MARCHF3: variants seen among roughly 807,000 people sequenced by gnomAD.
The protein encoded by MARCHF3 is E3 ubiquitin-protein ligase MARCHF3.
Under a neutral mutation model 24.2 loss-of-function variants are expected in MARCHF3, and 13 were observed. That is an observed-to-expected ratio of 0.54 (90% CI 0.35 to 0.85). The LOEUF (loss-of-function observed/expected upper bound fraction) is 0.85, where lower values mean the gene tolerates loss of function less well. Ranked by LOEUF, MARCHF3 falls within the 40% of genes least tolerant of loss-of-function variation. The pLI, the probability that MARCHF3 is intolerant of heterozygous loss-of-function variation, is 0.01. For missense variants in MARCHF3, 276 were observed against 325.0 expected, an observed-to-expected ratio of 0.85 and a Z score of 1.16; for synonymous variants, 144 against 137.3, an observed-to-expected ratio of 1.05 and a Z score of -0.34.
In MARCHF3 at chr5:126,972,390, C is replaced by T. The variant is rs146913957; in HGVS notation, c.-56-54163G>A. The stretch of plus-strand genomic sequence containing the variant: ...GGCAAAGTATCTGTTCATTCATAAT[C>T]ACTACTGTGCTTCGTTTCTGGGCAA... On this transcript the variant is annotated intron_variant, in intron 1 of 4. Transcript: ENST00000308660. Among the ~76,000 whole-genome samples the T allele has an allele frequency of 1.3e-3, 203 of 152,184 alleles. 2 individuals carry two copies. The highest frequency in any genetic ancestry group is 4.7e-3 in the African/African-American group (194 of 41,512).
At chr5:126,979,647 C>T (rs574846288) in intron 1 of MARCHF3, among the ~76,000 whole-genome samples, 4 of 152,120 alleles carry the variant, frequency 2.6e-5, no homozygotes, top group African/African-American at 9.6e-5. Flanking sequence ...GTCTTTATTC[C>T]TTATTAGAAA....
In MARCHF3 at chr5:126,916,684, G is replaced by GACACACAC. The variant is rs1409013068; in HGVS notation, c.188+1299_188+1300insGTGTGTGT. 7.7e-3 allele frequency among the ~76,000 whole-genome samples: 719 copies of GACACACAC among 93,316 alleles called. 8 individuals carry two copies. Among genetic ancestry groups the GACACACAC allele is most frequent in the African/African-American group, 0.032 (672 of 21,176 alleles). 61.2% of individuals were successfully genotyped at this position (93,316 alleles called of 152,430 possible). A position where few individuals can be genotyped will look rare whatever the true frequency, so the allele number is the denominator to read the frequency against. On this transcript the variant is annotated intron_variant, in intron 2 of 4. Coordinates refer to ENST00000308660, the MANE Select transcript of MARCHF3 (RefSeq NM_178450.5). Reference sequence around the variant, plus strand: ...AGCAGGTAAAAATACCTGACAGACAGACAGACAGACACACACACACACACA... The same window carrying GACACACAC: ...AGCAGGTAAAAATACCTGACAGACAGACACACACACAGACAGACACACACACACACACA...
chr5:126,953,906 T>A (rs2126817445), intron 1 of MARCHF3, among the ~76,000 whole-genome samples: 1 of 152,322 alleles, frequency 6.6e-6, no homozygotes, highest in African/African-American at 2.4e-5. Context: ...TATCTTTTCG[T>A]TCAATGGTCT....
chr5:126,997,625 T>C (rs1324938303), intron 1 of MARCHF3, among the ~76,000 whole-genome samples: 3 of 152,248 alleles, frequency 2.0e-5, no homozygotes, highest in Admixed American at 2.0e-4. Flanking sequence ...GATTCACATC[T>C]TGTTTCTAAT....
intron 1 of MARCHF3, among the ~76,000 whole-genome samples, chr5:126,951,733 A>G (rs1284795352): frequency 6.6e-6 from 1 of 152,210 alleles, no homozygotes; most frequent in Non-Finnish European, 1.5e-5. Flanking sequence ...TCATGCATCC[A>G]GCCAAGAGTA....
chr5:127,004,521 A>C (rs914506451), intron 1 of MARCHF3, among the ~76,000 whole-genome samples: 2 of 151,206 alleles, frequency 1.3e-5, no homozygotes, highest in African/African-American at 2.5e-5. Context: ...ACCTCATTAC[A>C]TAGGTTCAGC....
intron 1 of MARCHF3, among the ~76,000 whole-genome samples, chr5:127,015,154 T>A (rs1752598366): frequency 6.6e-6 from 1 of 152,234 alleles, no homozygotes; most frequent in Admixed American, 6.5e-5. Context: ...CAAATACGGA[T>A]GTATTTTACT....
At chr5:126,980,347 T>A (rs1488030305) in intron 1 of MARCHF3, among the ~76,000 whole-genome samples, 1 of 152,030 alleles carries the variant, frequency 6.6e-6, no homozygotes, top group Non-Finnish European at 1.5e-5. Flanking sequence ...GTAGAATCTC[T>A]TGAGTTTGAG....
intron 3 of MARCHF3, among the ~76,000 whole-genome samples, chr5:126,904,143 T>A (rs562898257): frequency 0.014 from 2,065 of 149,842 alleles, 22 homozygotes; most frequent in Non-Finnish European, 0.022. Context: ...GGACATGAAC[T>A]CATCATTTTT....
At chr5:126,976,444 TTGCCTC>T (rs1441174837) in intron 1 of MARCHF3, among the ~76,000 whole-genome samples, 1 of 152,232 alleles carries the variant, frequency 6.6e-6, no homozygotes, top group African/African-American at 2.4e-5. Flanking sequence ...TCCAGGTTCA[TTGCCTC>T]TGCTTTGGGC....
chr5:126,953,431 T>C (rs1461724994), intron 1 of MARCHF3, among the ~76,000 whole-genome samples: 7 of 152,148 alleles, frequency 4.6e-5, no homozygotes, highest in Admixed American at 4.6e-4. Context: ...CTGTTTTCTT[T>C]GTTAGAGAAC....
chr5:126,981,568 T>C (rs1244657807), intron 1 of MARCHF3, among the ~76,000 whole-genome samples: 1 of 152,232 alleles, frequency 6.6e-6, no homozygotes, highest in East Asian at 1.9e-4. Context: ...TTGTAGGATA[T>C]TAATGTACTT....
At chr5:126,893,133 A>T (rs1384642224) in intron 3 of MARCHF3, among the ~76,000 whole-genome samples, 1 of 151,666 alleles carries the variant, frequency 6.6e-6, no homozygotes, top group Admixed American at 6.6e-5. Flanking sequence ...ATCGGTGGTG[A>T]TATCCCCTTT....
intron 1 of MARCHF3, among the ~76,000 whole-genome samples, chr5:126,941,320 C>A (rs1749819437): frequency 1.3e-5 from 2 of 152,226 alleles, no homozygotes; most frequent in South Asian, 4.1e-4. Context: ...TTGTGCTGAG[C>A]TGCATTTTAG....
chr5:126,899,501 T>C (rs1580616617), intron 3 of MARCHF3, among the ~76,000 whole-genome samples: 1 of 152,072 alleles, frequency 6.6e-6, no homozygotes, highest in Non-Finnish European at 1.5e-5. Context: ...AAAAGATTCC[T>C]CCTAAGGAAT....
chr5:126,945,620 G>T (rs1277706278), intron 1 of MARCHF3, among the ~76,000 whole-genome samples: 1 of 152,156 alleles, frequency 6.6e-6, no homozygotes, highest in Non-Finnish European at 1.5e-5. Flanking sequence ...AGCTAGAGAG[G>T]TAAGAGATTC....
chr5:126,982,393 G>A (rs1751422694), intron 1 of MARCHF3, among the ~76,000 whole-genome samples: 2 of 152,212 alleles, frequency 1.3e-5, no homozygotes, highest in African/African-American at 4.8e-5. Flanking sequence ...GAACAGCAAG[G>A]GAGCTGGTGA....
At position 126,878,179 on chromosome 5, in the gene MARCHF3, A is replaced by C; in HGVS notation, c.603+6T>G. 6.2e-7 allele frequency: 1 copy of C among 1,613,944 alleles called. No homozygotes were observed. Among genetic ancestry groups the C allele is most frequent in the Non-Finnish European group, 8.5e-7 (1 of 1,179,804 alleles). On this transcript the variant is annotated splice_donor_region_variant and intron_variant, in intron 4 of 4. Transcript: ENST00000308660. ...GGCCTGAACCCCAGCCACGGCCCAT[A>C]CTTACTAGTGTCCAAAAGAGGTAAA...
chr5:126,911,611 C>T (rs539766774), intron 3 of MARCHF3, among the ~76,000 whole-genome samples: 3 of 152,148 alleles, frequency 2.0e-5, no homozygotes, highest in African/African-American at 4.8e-5. Context: ...TAGATGATTG[C>T]AATGTAGTGC....
Sources: gnomAD v4.1 joint callset for allele counts (sites outside exome capture counted in the v4.1 genomes callset) on GRCh38, gnomAD v4.1.1 for gene constraint, MANE v1.5 for transcripts, NCBI Gene and HGNC (gene_info 2026-07-23, HGNC 2026-07-21) for gene names.